Variants in CACNA2D1 observed in about 807,000 individuals in gnomAD.
CACNA2D1 encodes voltage-dependent calcium channel subunit alpha-2/delta-1.
CACNA2D1 carries 53 observed loss-of-function variants against 171.5 expected under a neutral mutation model. The ratio of observed to expected loss-of-function variants is 0.31; its 90% CI spans 0.25 to 0.39. CACNA2D1 has a LOEUF of 0.39. Among genes scored for constraint, CACNA2D1 ranks in the 10% least tolerant of loss-of-function variants. The pLI is 1.00. For missense variants in CACNA2D1, 903 were observed against 1,299.8 expected (o/e 0.69, Z 4.69); for synonymous variants, 442 against 443.1 (o/e 1.00, Z 0.03).
chr7:82,408,089 T>C (rs934430721), intron 1 of CACNA2D1, among the ~76,000 whole-genome samples: 1 of 151,624 alleles, frequency 6.6e-6, no homozygotes, highest in African/African-American at 2.4e-5. Context: ...GGCATGATCT[T>C]GGCTCACTGC....
intron 32 of CACNA2D1, among the ~76,000 whole-genome samples, 196 bp downstream of exon 32, chr7:81,965,398 G>A (rs1459805237): frequency 6.6e-6 from 1 of 151,838 alleles, no homozygotes; most frequent in Non-Finnish European, 1.5e-5. Flanking sequence ...GTACTAAAAT[G>A]TAAAATCAAA....
intron 2 of CACNA2D1, among the ~76,000 whole-genome samples, chr7:82,346,806 T>C (rs1819313689): frequency 6.6e-6 from 1 of 152,196 alleles, no homozygotes; most frequent in Non-Finnish European, 1.5e-5. Context: ...TAATCTGATA[T>C]ACTCACCTTG....
chr7:82,386,715 A>T (rs1824433507), intron 1 of CACNA2D1, among the ~76,000 whole-genome samples: 1 of 151,680 alleles, frequency 6.6e-6, no homozygotes, highest in Non-Finnish European at 1.5e-5. Flanking sequence ...CCTGGGCAAT[A>T]AGAGCAAAAC....
intron 6 of CACNA2D1, among the ~76,000 whole-genome samples, chr7:82,085,413 G>A (rs1810335551): frequency 6.6e-6 from 1 of 151,910 alleles, no homozygotes; most frequent in Non-Finnish European, 1.5e-5. Context: ...ATCCTCAGAG[G>A]TAGTTCTGAG....
At chr7:82,046,229 C>A (rs1804539204) in intron 10 of CACNA2D1, among the ~76,000 whole-genome samples, 1 of 152,152 alleles carries the variant, frequency 6.6e-6, no homozygotes, top group African/African-American at 2.4e-5. Context: ...CTAGTTAATT[C>A]ATGACTTTTG....
rs893665463 is a variant in CACNA2D1, at chr7:82,424,874, C to T, written c.95+18491G>A. On this transcript the variant is annotated intron_variant, in intron 1 of 38. Transcript: ENST00000356860. Reference sequence around the variant, plus strand: ...ACAGCATTTCCCAAATCTGTGAGCACGTAAAGTAGGAAAGAAATGAGCATT... The same window carrying T: ...ACAGCATTTCCCAAATCTGTGAGCATGTAAAGTAGGAAAGAAATGAGCATT... 5.3e-5 allele frequency among the ~76,000 whole-genome samples: 8 copies of T among 152,146 alleles called. No individual in the cohort carries two copies. In the East Asian group the frequency reaches 9.6e-4, roughly 18 times the overall value.
chr7:82,299,466 G>A (rs1812731422), intron 3 of CACNA2D1, among the ~76,000 whole-genome samples: 1 of 151,910 alleles, frequency 6.6e-6, no homozygotes, highest in Non-Finnish European at 1.5e-5. Flanking sequence ...TTCGAGACCA[G>A]CCTGGCCAAC....
intron 5 of CACNA2D1, among the ~76,000 whole-genome samples, chr7:82,120,129 C>A: frequency 6.6e-6 from 1 of 152,114 alleles, no homozygotes; most frequent in East Asian, 1.9e-4. Context: ...CTGCAATGAG[C>A]TATAATTATG....
chr7:82,381,170 T>C (rs1281177626), intron 1 of CACNA2D1, among the ~76,000 whole-genome samples: 1 of 151,762 alleles, frequency 6.6e-6, no homozygotes, highest in Admixed American at 6.6e-5. Flanking sequence ...AACAATTAAC[T>C]GGCCGTGGTG....
intron 24 of CACNA2D1, among the ~76,000 whole-genome samples, chr7:81,975,792 T>C (rs527660163): frequency 1.4e-4 from 14 of 103,244 alleles, no homozygotes; most frequent in African/African-American, 5.2e-4. Flanking sequence ...AAGTAAGTAT[T>C]GGGAATGAAT....
At chr7:82,180,076 C>T (rs2237513) in intron 3 of CACNA2D1, among the ~76,000 whole-genome samples, 85,137 of 151,900 alleles carry the variant, frequency 0.56, 24,215 homozygotes, top group Non-Finnish European at 0.62. Context: ...AATTTCTCCT[C>T]GGGTCCCTCA....
At chr7:82,365,664 T>C (rs976601234) in intron 1 of CACNA2D1, among the ~76,000 whole-genome samples, 1 of 152,256 alleles carries the variant, frequency 6.6e-6, no homozygotes, top group Non-Finnish European at 1.5e-5. Context: ...TGTGCATCTC[T>C]ACATTTTTAG....
chr7:82,337,768 G>C (rs1309396124), intron 2 of CACNA2D1, among the ~76,000 whole-genome samples: 1 of 152,124 alleles, frequency 6.6e-6, no homozygotes, highest in African/African-American at 2.4e-5. Context: ...GTAGCATATA[G>C]ACAGACTTAA....
At chr7:82,182,772 T>C (rs1344803530) in intron 3 of CACNA2D1, among the ~76,000 whole-genome samples, 1 of 152,188 alleles carries the variant, frequency 6.6e-6, no homozygotes, top group East Asian at 1.9e-4. Context: ...GCACGGTGGG[T>C]CCCACCTATA....
intron 5 of CACNA2D1, among the ~76,000 whole-genome samples, chr7:82,131,210 T>C (rs998690484): frequency 6.6e-6 from 1 of 152,182 alleles, no homozygotes; most frequent in African/African-American, 2.4e-5. Context: ...ACTTTAAAAG[T>C]ATATTCTTGT....
chr7:82,320,929 T>TTATATAAAGCCATTCATATA (rs1554510272), intron 3 of CACNA2D1, among the ~76,000 whole-genome samples: 1 of 148,626 alleles, frequency 6.7e-6, no homozygotes, highest in East Asian at 2.0e-4. Context: ...AGTTAATGGC[T>TTATATAAAGCCATTCATATA]TATATAAAGC....
chr7:82,317,450 T>A (rs1815261879), intron 3 of CACNA2D1, among the ~76,000 whole-genome samples: 1 of 152,238 alleles, frequency 6.6e-6, no homozygotes, highest in African/African-American at 2.4e-5. Flanking sequence ...TTCCAGTATT[T>A]ATTCAGTATG....
At chr7:82,192,491 TGTGTGTGTGTG>T (rs1798424995) in intron 3 of CACNA2D1, among the ~76,000 whole-genome samples, 1 of 119,354 alleles carries the variant, frequency 8.4e-6, no homozygotes, top group Non-Finnish European at 1.8e-5. Context: ...TGTGTGTGTG[TGTGTGTGTGTG>T]TGTGTGTGAA....
chr7:82,399,471 T>C (rs1256912505), intron 1 of CACNA2D1, among the ~76,000 whole-genome samples: 1 of 151,568 alleles, frequency 6.6e-6, no homozygotes, highest in East Asian at 1.9e-4. Flanking sequence ...CTGTTTTAAA[T>C]AGCTATGTAG....
Sources: gnomAD v4.1 joint callset for allele counts (sites outside exome capture counted in the v4.1 genomes callset) on GRCh38, gnomAD v4.1.1 for gene constraint, MANE v1.5 for transcripts, NCBI Gene and HGNC (gene_info 2026-07-23, HGNC 2026-07-21) for gene names.